The following SFI1 variants were observed in gnomAD, a reference collection of about 807,000 sequenced individuals.
SFI1 encodes SFI1 centrin binding protein, also known as protein SFI1 homolog.
In SFI1, 195 loss-of-function variants were observed where a neutral mutation model predicts 207.5. That is an observed-to-expected ratio of 0.94 (90% CI 0.84 to 1.06). SFI1 has a LOEUF of 1.06. Ranked by LOEUF, SFI1 falls within the 50% of genes least tolerant of loss-of-function variation. SFI1 has a pLI of 0.00. For synonymous variants in SFI1, 630 were observed against 598.9 expected, an observed-to-expected ratio of 1.05 and a Z score of -0.76; for missense variants, 1,634 against 1,588.0, an observed-to-expected ratio of 1.03 and a Z score of -0.49.
intron 29 of SFI1, chr22:31,616,124 G>A (rs1434681082): frequency 6.6e-6 from 1 of 152,200 alleles, no homozygotes; most frequent in African/African-American, 2.4e-5. Context: ...GGATGGCCAG[G>A]GGGTGTGAGA....
In SFI1 at chr22:31,611,194, C is replaced by G. The variant is rs1446746854; in HGVS notation, c.2306C>G (p.Ala769Gly). The G allele has an allele frequency of 1.1e-5, 18 of 1,613,960 alleles. No homozygotes were observed. The highest frequency in any genetic ancestry group is 1.4e-5 in the Non-Finnish European group (16 of 1,180,034). ...TGGTGGGACTGCAGCCGGAGGTCAG[C>G]CCAGCAGAGACTGCAGCTGGAGAGG... ...QRWWDCSRRS[A>G]QQRLQLERAV... Residue 769 changes from alanine (A) to glycine (G), a missense_variant, in exon 23 of 33, where the codon GCC (alanine) becomes GGC (glycine). Transcript: ENST00000400288.
chr22:31,562,230 A>C (rs898430435), intron 8 of SFI1, among the ~76,000 whole-genome samples: 2 of 152,186 alleles, frequency 1.3e-5, no homozygotes, highest in Non-Finnish European at 2.9e-5. Context: ...AGAGCAGTGT[A>C]GGGTAGTTGT....
Position 31,562,801 on chromosome 22 carries a change from T to C in SFI1, c.765+1409T>C, listed in dbSNP as rs2061853969. Among the ~76,000 whole-genome samples the C allele has an allele frequency of 2.0e-5, 3 of 151,410 alleles. No homozygotes were observed. The South Asian group carries it at 6.3e-4, about 32-fold the overall frequency. On this transcript the variant is annotated intron_variant, in intron 8 of 32. Coordinates refer to ENST00000400288, the MANE Select transcript of SFI1 (RefSeq NM_001007467.3). ...GGTGCCCGCCACCACGCCCGGCTAA[T>C]TTTTTGTATCTTTAGTAGAGACGGG...
intron 31 of SFI1, 57 bp from the exon 32 acceptor site, chr22:31,618,058 G>C (rs1304200629): frequency 6.6e-7 from 1 of 1,520,722 alleles, no homozygotes; most frequent in Admixed American, 2.1e-5. Flanking sequence ...TCCCTGAGCC[G>C]GATGGGGCTC....
intron 4 of SFI1, among the ~76,000 whole-genome samples, chr22:31,536,373 G>A (rs566507851): frequency 5.3e-5 from 8 of 152,290 alleles, no homozygotes; most frequent in East Asian, 3.9e-4. Context: ...ATTGAAAACT[G>A]TGTTGCTACC....
intron 1 of SFI1, among the ~76,000 whole-genome samples, chr22:31,506,608 A>G (rs1260965388): frequency 4.0e-5 from 6 of 151,848 alleles, no homozygotes; most frequent in African/African-American, 1.5e-4. Context: ...TATCTAGAAA[A>G]CCCCATCGTC....
At chr22:31,511,202 A>T (rs1234379302) in intron 2 of SFI1, among the ~76,000 whole-genome samples, 1 of 152,142 alleles carries the variant, frequency 6.6e-6, no homozygotes, top group Non-Finnish European at 1.5e-5. Flanking sequence ...TGGTTGATCC[A>T]GCAAGGGTCA....
Position 31,528,882 on chromosome 22 carries a change from A to C in SFI1, c.266+19A>C, listed in dbSNP as rs779311951. 1.2e-6 allele frequency: 2 copies of C among 1,603,884 alleles called. No individual in the cohort carries two copies. Among genetic ancestry groups the C allele is most frequent in the Non-Finnish European group, 1.7e-6 (2 of 1,173,222 alleles). On this transcript the variant is annotated intron_variant, in intron 3 of 32. Coordinates refer to ENST00000400288, the MANE Select transcript of SFI1 (RefSeq NM_001007467.3). ...GCATCAGGTGAGCTTATGAGTGGCC[A>C]CCAGTCTATGGGTACTTTGCTTTTG... is the stretch of plus-strand genomic sequence containing the variant.
chr22:31,589,280 C>G (rs2065491138), intron 14 of SFI1, among the ~76,000 whole-genome samples, 167 bp from the exon 15 acceptor site: 1 of 151,526 alleles, frequency 6.6e-6, no homozygotes, highest in South Asian at 2.1e-4. Flanking sequence ...TTTACCTATC[C>G]TATTTCATTT....
intron 20 of SFI1, chr22:31,606,092 G>A (rs1284116129): frequency 1.6e-5 from 8 of 502,882 alleles, no homozygotes; most frequent in Non-Finnish European, 2.5e-5. Context: ...CTGGAGTTTG[G>A]TCTCCAGCAG....
chr22:31,613,273 C>T (rs1382486125), intron 25 of SFI1, 57 bp downstream of exon 25: 13 of 1,609,476 alleles, frequency 8.1e-6, no homozygotes, highest in Non-Finnish European at 1.1e-5. Flanking sequence ...TTAGCCCTGC[C>T]TTGGGTGGAG....
chr22:31,545,574 A>ATTTTATTTTATTTT lies in SFI1; in HGVS notation c.339-1287_339-1286insTTTTATTTTATTTT, dbSNP rs1555983934. ...AATTTAATTTAATTTAATTTAATTT[A>ATTTTATTTTATTTT]ATTTAATTTAATTTTATTTTATTTT... On this transcript the variant is annotated intron_variant, in intron 4 of 32. Coordinates refer to ENST00000400288, the MANE Select transcript of SFI1 (RefSeq NM_001007467.3). Among the ~76,000 whole-genome samples, 115 of 131,026 alleles carry ATTTTATTTTATTTT rather than the reference A, an allele frequency of 8.8e-4. 1 individual carries two copies. Among genetic ancestry groups the ATTTTATTTTATTTT allele is most frequent in the Non-Finnish European group, 1.1e-3 (73 of 65,834 alleles). The allele number at this position is 131,026 out of a possible 152,430, so 86.0% of individuals were successfully genotyped here.
intron 15 of SFI1, among the ~76,000 whole-genome samples, chr22:31,590,951 T>TTTTTTTTATTTA (rs1556250775): frequency 1.4e-5 from 2 of 144,278 alleles, no homozygotes; most frequent in African/African-American, 5.2e-5. Context: ...ACTTTTTTCT[T>TTTTTTTTATTTA]TTTATTTATT....
chr22:31,603,792 G>C lies in SFI1; in HGVS notation c.1854G>C (p.Leu618=). Residue 618 remains leucine, a synonymous_variant, in exon 18 of 33, where the codon CTG becomes CTC. Coordinates refer to ENST00000400288, the MANE Select transcript of SFI1 (RefSeq NM_001007467.3). ...CAGAATTCCACATGGCCCAGCTCCTGCGTTGGGCCTGGAGCCAGTGGAGGG... is the reference window on the plus strand; with the variant it reads ...CAGAATTCCACATGGCCCAGCTCCTCCGTTGGGCCTGGAGCCAGTGGAGGG... ...RAAEFHMAQL[L]RWAWSQWREC... 1.9e-6 allele frequency: 3 copies of C among 1,560,128 alleles called. No homozygotes were observed. The highest frequency in any genetic ancestry group is 2.6e-6 in the Non-Finnish European group (3 of 1,164,128).
intron 2 of SFI1, among the ~76,000 whole-genome samples, chr22:31,511,728 A>G (rs969774841): frequency 7.9e-5 from 12 of 152,140 alleles, no homozygotes; most frequent in Non-Finnish European, 1.3e-4. Flanking sequence ...ATCTTGGCTC[A>G]CTGAAGCCTC....
intron 4 of SFI1, among the ~76,000 whole-genome samples, chr22:31,534,294 A>G (rs761496763): frequency 9.9e-5 from 15 of 151,970 alleles, no homozygotes; most frequent in Non-Finnish European, 1.9e-4. Flanking sequence ...TGCCCAGCCT[A>G]TTATTCTCAT....
chr22:31,553,836 A>ATTTTTTTTTT (rs1201513765), intron 6 of SFI1, among the ~76,000 whole-genome samples: 1 of 21,952 alleles, frequency 4.6e-5, no homozygotes, highest in African/African-American at 1.4e-4. Flanking sequence ...TTAATGGATT[A>ATTTTTTTTTT]TGTTTTTTTT....
At position 31,596,913 on chromosome 22, in the gene SFI1, G is replaced by A. The variant is rs182083972; in HGVS notation, c.1545-5299G>A. 1.6e-4 allele frequency among the ~76,000 whole-genome samples: 24 copies of A among 149,552 alleles called. No homozygotes were observed. The East Asian group carries it at 4.5e-3, about 28-fold the overall frequency. ...TAAATGGCTTCAGTACTGAAGACAC[G>A]CACACACGGTACCCGTTTCTAAATG... On this transcript the variant is annotated intron_variant, in intron 15 of 32. Coordinates refer to ENST00000400288, the MANE Select transcript of SFI1 (RefSeq NM_001007467.3).
chr22:31,534,512 T>C (rs1298008970), intron 4 of SFI1, among the ~76,000 whole-genome samples: 3 of 152,142 alleles, frequency 2.0e-5, no homozygotes, highest in Non-Finnish European at 4.4e-5. Flanking sequence ...CTCTTTCGGG[T>C]AGGTCTGCTA....
Sources: gnomAD v4.1 joint callset for allele counts (sites outside exome capture counted in the v4.1 genomes callset) on GRCh38, gnomAD v4.1.1 for gene constraint, MANE v1.5 for transcripts, NCBI Gene and HGNC (gene_info 2026-07-23, HGNC 2026-07-21) for gene names.